The following DMXL2 variants were observed in gnomAD, a reference collection of about 807,000 sequenced individuals.
The protein encoded by DMXL2 is Dmx like 2.
In DMXL2, 103 loss-of-function variants were observed where a neutral mutation model predicts 331.1. That is an observed-to-expected ratio of 0.31 (90% confidence interval 0.27 to 0.37). DMXL2 has a LOEUF of 0.37. Among genes scored for constraint, DMXL2 ranks in the 10% least tolerant of loss-of-function variants. The pLI, the probability that DMXL2 is intolerant of heterozygous loss-of-function variation, is 1.00. For synonymous variants in DMXL2, 1,281 were observed against 1,252.1 expected, an observed-to-expected ratio of 1.02 and a Z score of -0.49; for missense variants, 3,171 against 3,642.9, an observed-to-expected ratio of 0.87 and a Z score of 3.33.
At chr15:51,501,129 T>TG (rs1371395173) in intron 17 of DMXL2, among the ~76,000 whole-genome samples, 1 of 152,144 alleles carries the variant, frequency 6.6e-6, no homozygotes, top group Non-Finnish European at 1.5e-5. Flanking sequence ...ATTAACAAAC[T>TG]GGCCTAGATC....
chr15:51,602,404 C>G (rs1231515114), intron 1 of DMXL2, among the ~76,000 whole-genome samples: 3 of 152,094 alleles, frequency 2.0e-5, no homozygotes, highest in Non-Finnish European at 4.4e-5. Flanking sequence ...GGTGCCATGA[C>G]CCCAAGAGAG....
At position 51,494,887 on chromosome 15, in the gene DMXL2, T is replaced by C. The variant is rs1020938083; in HGVS notation, c.4783+137A>G. The C allele has an allele frequency of 4.1e-5, 22 of 530,528 alleles. 2 individuals are homozygous for C. In the Admixed American group the frequency reaches 5.8e-4, roughly 14 times the overall value. 32.9% of individuals were successfully genotyped at this position (530,528 alleles called of 1,614,324 possible). On this transcript the variant is annotated intron_variant, in intron 19 of 43. Transcript: ENST00000560891. ...ATAGAAAAATGGTAAGTGGGTACTA[T>C]GTGACAGAAAGATCTTAAGCCAAGT...
chr15:51,448,582 G>C lies in DMXL2; in HGVS notation c.*402C>G. 4.0e-6 allele frequency: 1 copy of C among 248,538 alleles called. No individual in the cohort carries two copies. The highest frequency in any genetic ancestry group is 5.4e-5 in the South Asian group (1 of 18,528). The allele number at this position is 248,538 out of a possible 1,614,324, so 15.4% of individuals were successfully genotyped here. On this transcript the variant is annotated 3_prime_UTR_variant, in exon 44 of 44. Transcript: ENST00000560891. The stretch of plus-strand genomic sequence containing the variant: ...CCTTATGATTATCCTTCATTCAACA[G>C]AGGAGGAGACTGCAGGCATGCTTCA...
Position 51,495,015 on chromosome 15 carries a change from G to C in DMXL2, c.4783+9C>G, listed in dbSNP as rs753569050. ...AGTTGTGCAAAGCTTCAAACAGTGA[G>C]TGAATTACCTTGATGAAGTAGCTGC... is the stretch of plus-strand genomic sequence containing the variant. On this transcript the variant is annotated intron_variant, in intron 19 of 43. Coordinates refer to ENST00000560891, the MANE Select transcript of DMXL2 (RefSeq NM_001378457.1). 1.2e-6 allele frequency: 2 copies of C among 1,600,194 alleles called. No individual in the cohort carries two copies. Among genetic ancestry groups the C allele is most frequent in the African/African-American group, 1.3e-5 (1 of 74,568 alleles).
At chr15:51,615,620 T>C (rs961815757) in intron 1 of DMXL2, among the ~76,000 whole-genome samples, 2 of 152,150 alleles carry the variant, frequency 1.3e-5, no homozygotes, top group Admixed American at 6.5e-5. Flanking sequence ...ATTTAGAACC[T>C]AAATGGAGGA....
chr15:51,613,628 T>G (rs1183950197), intron 1 of DMXL2, among the ~76,000 whole-genome samples: 7 of 152,260 alleles, frequency 4.6e-5, no homozygotes, highest in South Asian at 2.1e-4. Context: ...GAATTATAAC[T>G]TTTTTACAAT....
chr15:51,521,773 T>C (rs1390328941), intron 13 of DMXL2, among the ~76,000 whole-genome samples: 4 of 152,182 alleles, frequency 2.6e-5, no homozygotes, highest in Non-Finnish European at 4.4e-5. Flanking sequence ...TCCTTGAAAG[T>C]AGGGACTACT....
chr15:51,518,161 C>T (rs570823917), intron 13 of DMXL2, among the ~76,000 whole-genome samples: 32 of 151,998 alleles, frequency 2.1e-4, no homozygotes, highest in South Asian at 4.2e-4. Context: ...GGTGAAACCC[C>T]GTCTCTACTA....
chr15:51,462,340 C>CTTTA (rs961241788), intron 33 of DMXL2, among the ~76,000 whole-genome samples: 2 of 151,948 alleles, frequency 1.3e-5, no homozygotes, highest in Non-Finnish European at 2.9e-5. Flanking sequence ...TTTGCCAAAT[C>CTTTA]TTTATTTTTT....
chr15:51,455,577 G>T (rs2039553641), intron 39 of DMXL2, among the ~76,000 whole-genome samples: 1 of 152,088 alleles, frequency 6.6e-6, no homozygotes, highest in African/African-American at 2.4e-5. Context: ...ATTTTTGTAG[G>T]GATGTGGTCT....
At chr15:51,527,471 G>C (rs1034023724) in intron 13 of DMXL2, among the ~76,000 whole-genome samples, 2 of 152,180 alleles carry the variant, frequency 1.3e-5, no homozygotes, top group African/African-American at 4.8e-5. Context: ...GCTCATGCCT[G>C]TAATCCTAGC....
intron 1 of DMXL2, among the ~76,000 whole-genome samples, chr15:51,587,312 T>A (rs1178472352): frequency 1.3e-5 from 2 of 151,944 alleles, no homozygotes; most frequent in African/African-American, 4.8e-5. Flanking sequence ...ATGCTATCCC[T>A]CCCCCGTCCC....
chr15:51,576,943 C>A (rs1488798410), intron 1 of DMXL2, among the ~76,000 whole-genome samples: 2 of 152,136 alleles, frequency 1.3e-5, no homozygotes, highest in Admixed American at 6.6e-5. Flanking sequence ...TGGGAAAATT[C>A]CCATGTCCAA....
chr15:51,582,362 C>T (rs918077928), intron 1 of DMXL2, among the ~76,000 whole-genome samples: 6 of 152,232 alleles, frequency 3.9e-5, no homozygotes, highest in African/African-American at 1.2e-4. Context: ...TTTTCTGTTG[C>T]TCAAATTTTT....
chr15:51,603,118 GA>G (rs767951936), intron 1 of DMXL2, among the ~76,000 whole-genome samples: 7 of 151,846 alleles, frequency 4.6e-5, no homozygotes, highest in Non-Finnish European at 1.0e-4. Context: ...TAGAAGGCAG[GA>G]AACAATAAAA....
chr15:51,547,380 G>A lies in DMXL2; in HGVS notation c.596C>T (p.Pro199Leu), dbSNP rs942483547. The A allele has an allele frequency of 6.3e-7, 1 of 1,599,202 alleles. No homozygotes were observed. The highest frequency in any genetic ancestry group is 1.4e-5 in the African/African-American group (1 of 73,840). The change falls in exon 7 of 44, where the codon CCT (proline) becomes CTT (leucine). Residue 199 changes from proline (P) to leucine (L), a missense_variant. Transcript: ENST00000560891. ...KDDCLLKVWY[P>L]MTGWKSSIIP... ...AATTGAAGACTTCCAACCAGTCATA[G>A]GATACCACACTTTCAAAAGACAATC...
At chr15:51,460,683 CA>C (rs1185470454) in intron 33 of DMXL2, 1 of 152,016 alleles carries the variant, frequency 6.6e-6, no homozygotes, top group East Asian at 1.9e-4. Context: ...TAGTGATTAC[CA>C]AAATCCTATT....
chr15:51,605,609 T>C (rs1353565288), intron 1 of DMXL2, among the ~76,000 whole-genome samples: 1 of 40,994 alleles, frequency 2.4e-5, no homozygotes, highest in Non-Finnish European at 5.8e-5. Flanking sequence ...AGTGGCGCAA[T>C]CTCGGCTCAC....
At chr15:51,553,566 T>A (rs1353201001) in intron 6 of DMXL2, among the ~76,000 whole-genome samples, 1 of 152,164 alleles carries the variant, frequency 6.6e-6, no homozygotes, top group Non-Finnish European at 1.5e-5. Flanking sequence ...ACACGTGAAT[T>A]TTCTTCTGCC....
Sources: gnomAD v4.1 joint callset for allele counts (sites outside exome capture counted in the v4.1 genomes callset) on GRCh38, gnomAD v4.1.1 for gene constraint, MANE v1.5 for transcripts, NCBI Gene and HGNC (gene_info 2026-07-23, HGNC 2026-07-21) for gene names.